The following VPS13C variants were observed in gnomAD, a reference collection of about 807,000 sequenced individuals.
VPS13C encodes the protein intermembrane lipid transfer protein VPS13C.
VPS13C carries 358 observed loss-of-function variants against 456.8 expected under a neutral mutation model. The ratio of observed to expected loss-of-function variants is 0.78; its 90% CI spans 0.72 to 0.86. The LOEUF is 0.86. Ranked by LOEUF, VPS13C falls within the 40% of genes least tolerant of loss-of-function variation. VPS13C has a pLI of 0.00. For synonymous variants in VPS13C, 1,578 were observed against 1,486.7 expected (o/e 1.06, Z -1.41); for missense variants, 4,818 against 4,385.4 (o/e 1.10, Z -2.79).
chr15:62,008,803 T>C (rs2046942605), intron 13 of VPS13C, 42 bp from the exon 14 acceptor site: 5 of 1,202,812 alleles, frequency 4.2e-6, no homozygotes, highest in South Asian at 3.6e-5. Flanking sequence ...ACACTGTATA[T>C]ATAAAAAAAA....
intron 81 of VPS13C, among the ~76,000 whole-genome samples, chr15:61,868,233 A>C (rs879945508): frequency 4.6e-5 from 7 of 152,162 alleles, no homozygotes. Flanking sequence ...AATTATACAT[A>C]ATCTTTTATT....
chr15:62,055,191 C>T (rs1177773835), intron 1 of VPS13C, among the ~76,000 whole-genome samples: 1 of 152,070 alleles, frequency 6.6e-6, no homozygotes, highest in Non-Finnish European at 1.5e-5. Context: ...AAGTATACTT[C>T]CTGATTCTGG....
At chr15:61,992,545 CA>C (rs776079946) in intron 16 of VPS13C, among the ~76,000 whole-genome samples, 1 of 151,912 alleles carries the variant, frequency 6.6e-6, no homozygotes, top group Non-Finnish European at 1.5e-5. Flanking sequence ...TGGAATAATA[CA>C]AAAGAGAAGA....
intron 1 of VPS13C, among the ~76,000 whole-genome samples, chr15:62,054,062 T>C (rs1358781324): frequency 1.3e-5 from 2 of 152,320 alleles, no homozygotes; most frequent in East Asian, 3.9e-4. Context: ...AAAAATCAAA[T>C]TGACAAAGGT....
chr15:61,953,979 G>A (rs2044895535), intron 38 of VPS13C, among the ~76,000 whole-genome samples: 1 of 152,090 alleles, frequency 6.6e-6, no homozygotes, highest in Admixed American at 6.6e-5. Flanking sequence ...AATATTTGTT[G>A]GATGGGTGAA....
intron 10 of VPS13C, among the ~76,000 whole-genome samples, chr15:62,013,514 T>C (rs939605354): frequency 6.6e-6 from 1 of 151,956 alleles, no homozygotes; most frequent in African/African-American, 2.4e-5. Context: ...GTGGGAAAGC[T>C]ACATACTAAA....
At chr15:61,999,757 A>G (rs1444646239) in intron 16 of VPS13C, among the ~76,000 whole-genome samples, 1 of 151,992 alleles carries the variant, frequency 6.6e-6, no homozygotes, top group Non-Finnish European at 1.5e-5. Context: ...AGCAGTTATA[A>G]AACATTATCA....
At chr15:61,862,837 T>C (rs1025230016) in intron 82 of VPS13C, among the ~76,000 whole-genome samples, 23 of 152,144 alleles carry the variant, frequency 1.5e-4, no homozygotes, top group African/African-American at 4.6e-4. Flanking sequence ...TGTAAGAACT[T>C]TGCCTTACTC....
intron 16 of VPS13C, among the ~76,000 whole-genome samples, chr15:61,995,928 G>A (rs1331715696): frequency 3.3e-5 from 5 of 152,178 alleles, no homozygotes; most frequent in Admixed American, 3.3e-4. Context: ...GCTCTGCCCT[G>A]AGCAAGGGCC....
Position 61,941,767 on chromosome 15 carries a change from A to T in VPS13C, c.5449T>A (p.Ser1817Thr), listed in dbSNP as rs574114939. 1.9e-6 allele frequency: 3 copies of T among 1,607,856 alleles called. No individual in the cohort carries two copies. The South Asian group carries it at 3.3e-5, about 18-fold the overall frequency. ...AATTAGATTACATATTTATACCTTG[A>T]CAGCTTCAACTGAGTGAGTTCGATG... ...MNIELTQLKL[S>T]RTILQASLPQ... The change falls in exon 46 of 85, where the codon TCA becomes ACA. Residue 1817 changes from serine to threonine, a missense_variant. By Grantham distance (58) the Ser-to-Thr change is moderately conservative. Coordinates refer to ENST00000644861, the MANE Select transcript of VPS13C (RefSeq NM_020821.3).
chr15:61,958,750 T>A, intron 36 of VPS13C, 34 bp from the exon 37 acceptor site: 1 of 1,179,982 alleles, frequency 8.5e-7, no homozygotes, highest in Non-Finnish European at 1.2e-6. Context: ...AAAACTATAT[T>A]ACGTTTTAAA....
chr15:61,935,170 T>G lies in VPS13C; in HGVS notation c.5756-839A>C, dbSNP rs566398864. Among the ~76,000 whole-genome samples, 51 of 152,258 alleles carry G rather than the reference T, an allele frequency of 3.3e-4. No individual in the cohort carries two copies. The South Asian group carries it at 9.3e-3, about 28-fold the overall frequency. On this transcript the variant is annotated intron_variant, in intron 48 of 84. Transcript: ENST00000644861. ...GATGCAGGGGAAAGGAGTGGGTGCT[T>G]TGGAATTTTGAGACAAATGAGACTT...
chr15:61,896,532 C>T lies in VPS13C; in HGVS notation c.9106-6132G>A, dbSNP rs569780517. On this transcript the variant is annotated intron_variant, in intron 66 of 84. Coordinates refer to ENST00000644861, the MANE Select transcript of VPS13C (RefSeq NM_020821.3). ...TCGGGTCACTCCCACCTGAATACTG[C>T]GCTTTTCCGACGGGCTTAAAAAACG... Among the ~76,000 whole-genome samples the T allele has an allele frequency of 9.6e-4, 144 of 149,734 alleles. 1 individual carries two copies. The highest frequency in any genetic ancestry group is 3.5e-3 in the African/African-American group (141 of 40,684).
At chr15:61,971,110 G>GA (rs35408358) in intron 27 of VPS13C, among the ~76,000 whole-genome samples, 9,015 of 152,202 alleles carry the variant, frequency 0.059, 339 homozygotes, top group Non-Finnish European at 0.084. Flanking sequence ...AGCAAGGCAG[G>GA]AAAGAACTGG....
chr15:61,865,650 A>G (rs960969566), intron 81 of VPS13C: 10 of 384,486 alleles, frequency 2.6e-5, no homozygotes, highest in East Asian at 1.6e-4. Flanking sequence ...GTATGTGTGT[A>G]TATATATGTA....
Position 61,984,854 on chromosome 15 carries a change from T to TA in VPS13C, c.1721+2dup. 6.2e-7 allele frequency: 1 copy of TA among 1,612,236 alleles called. No individual in the cohort carries two copies. Among genetic ancestry groups the TA allele is most frequent in the Non-Finnish European group, 8.5e-7 (1 of 1,179,404 alleles). Reference sequence around the variant, plus strand: ...AAATTGAAATAAGTTTTTAAAAACTTACTTAAGTGCTTGTGCTCCTGGTCG... The same window carrying TA: ...AAATTGAAATAAGTTTTTAAAAACTTAACTTAAGTGCTTGTGCTCCTGGTCG... On this transcript the variant is annotated splice_region_variant and intron_variant, in intron 19 of 84. Coordinates refer to ENST00000644861, the MANE Select transcript of VPS13C (RefSeq NM_020821.3).
chr15:61,960,314 T>A (rs1375924933), intron 35 of VPS13C, among the ~76,000 whole-genome samples: 1 of 152,122 alleles, frequency 6.6e-6, no homozygotes, highest in Non-Finnish European at 1.5e-5. Context: ...GAAGAACTAC[T>A]CCAAAATAAA....
chr15:61,892,366 C>G (rs1448911168), intron 66 of VPS13C, among the ~76,000 whole-genome samples: 1 of 152,156 alleles, frequency 6.6e-6, no homozygotes, highest in African/African-American at 2.4e-5. Context: ...GATGCAACCC[C>G]TTCCCCACCA....
intron 50 of VPS13C, among the ~76,000 whole-genome samples, chr15:61,930,348 C>G (rs72747896): frequency 0.045 from 6,797 of 152,168 alleles, 385 homozygotes; most frequent in East Asian, 0.2. Context: ...TGGACAGCTA[C>G]TCCAGACACA....
Sources: allele counts gnomAD v4.1 joint callset (sites outside exome capture counted in the v4.1 genomes callset), GRCh38; gene constraint gnomAD v4.1.1; transcripts MANE v1.5; gene names NCBI Gene and HGNC (gene_info 2026-07-23, HGNC 2026-07-21).